Variants in CCSER1 observed in about 807,000 individuals in gnomAD.
The protein encoded by CCSER1 is coiled-coil serine rich protein 1.
A neutral mutation model predicts 82.0 loss-of-function variants in CCSER1; 41 were observed. The observed-to-expected ratio is 0.50, with a 90% confidence interval of 0.39 to 0.65. CCSER1 has a LOEUF of 0.65. Among genes scored for constraint, CCSER1 ranks in the 30% least tolerant of loss-of-function variants. The pLI is 0.00. For missense variants in CCSER1, 1,119 were observed against 1,064.2 expected (o/e 1.05, Z -0.72); for synonymous variants, 414 against 383.9 (o/e 1.08, Z -0.92).
intron 1 of CCSER1, among the ~76,000 whole-genome samples, chr4:90,155,596 G>A (rs1686560121): frequency 6.6e-6 from 1 of 152,074 alleles, no homozygotes; most frequent in Non-Finnish European, 1.5e-5. Context: ...CTTCTTCCTG[G>A]TTTAGTCTTG....
chr4:91,143,384 G>A (rs1314037862), intron 10 of CCSER1, among the ~76,000 whole-genome samples: 1 of 152,018 alleles, frequency 6.6e-6, no homozygotes, highest in Non-Finnish European at 1.5e-5. Flanking sequence ...CCTTTTGGCA[G>A]ATTATGTAGC....
intron 10 of CCSER1, among the ~76,000 whole-genome samples, chr4:91,374,724 G>T (rs1270745452): frequency 6.6e-6 from 1 of 152,212 alleles, no homozygotes; most frequent in Admixed American, 6.5e-5. Context: ...GGCCGGGCGT[G>T]ATGGCTCACG....
At chr4:90,885,107 G>T in intron 8 of CCSER1, among the ~76,000 whole-genome samples, 1 of 152,000 alleles carries the variant, frequency 6.6e-6, no homozygotes, top group East Asian at 1.9e-4. Flanking sequence ...TGACATCATT[G>T]AAAAACTTAT....
intron 1 of CCSER1, among the ~76,000 whole-genome samples, chr4:90,265,230 T>C (rs1012697484): frequency 1.3e-5 from 2 of 151,944 alleles, no homozygotes; most frequent in African/African-American, 4.8e-5. Context: ...TTTTACTTTT[T>C]CTTTTGAATG....
At chr4:90,982,923 T>A (rs1402716259) in intron 9 of CCSER1, among the ~76,000 whole-genome samples, 3 of 151,808 alleles carry the variant, frequency 2.0e-5, no homozygotes, top group Non-Finnish European at 4.4e-5. Context: ...CATACTCACT[T>A]GCACCTTCAG....
At chr4:90,988,494 C>G (rs530970887) in intron 9 of CCSER1, among the ~76,000 whole-genome samples, 2 of 151,488 alleles carry the variant, frequency 1.3e-5, no homozygotes, top group Admixed American at 1.3e-4. Flanking sequence ...AAAATGTCAG[C>G]AGGAAATTTT....
At chr4:90,538,533 C>G (rs1319495225) in intron 5 of CCSER1, among the ~76,000 whole-genome samples, 2 of 151,992 alleles carry the variant, frequency 1.3e-5, no homozygotes, top group Non-Finnish European at 2.9e-5. Context: ...TACTGCTTGA[C>G]AACTTTGATT....
At chr4:90,253,390 G>A (rs903701108) in intron 1 of CCSER1, among the ~76,000 whole-genome samples, 1 of 152,048 alleles carries the variant, frequency 6.6e-6, no homozygotes, top group African/African-American at 2.4e-5. Context: ...AGATGTGCTA[G>A]CAATGAATTC....
intron 10 of CCSER1, among the ~76,000 whole-genome samples, chr4:91,577,471 A>T (rs547714135): frequency 9.9e-5 from 15 of 152,184 alleles, no homozygotes; most frequent in Admixed American, 2.0e-4. Flanking sequence ...ATAAAAAAAA[A>T]TACCTTGCAA....
In CCSER1 at chr4:90,576,490, C is replaced by A. The variant is rs1261581391; in HGVS notation, c.1725-51535C>A. Reference sequence around the variant, plus strand: ...TGTACTAACACACAGAGTAATTTCACTTCAACTATGAATCTTCTTTGTTCT... The same window carrying A: ...TGTACTAACACACAGAGTAATTTCAATTCAACTATGAATCTTCTTTGTTCT... On this transcript the variant is annotated intron_variant, in intron 5 of 10. Coordinates refer to ENST00000509176, the MANE Select transcript of CCSER1 (RefSeq NM_001145065.2). 3.3e-5 allele frequency among the ~76,000 whole-genome samples: 5 copies of A among 152,232 alleles called. No homozygotes were observed. The East Asian group carries it at 9.6e-4, about 29-fold the overall frequency.
chr4:90,931,777 A>C (rs1729854629), intron 9 of CCSER1, among the ~76,000 whole-genome samples: 1 of 152,206 alleles, frequency 6.6e-6, no homozygotes, highest in Non-Finnish European at 1.5e-5. Context: ...ATTGGTCCTC[A>C]GTGTGGTCTT....
intron 10 of CCSER1, among the ~76,000 whole-genome samples, chr4:91,161,224 G>A (rs940902746): frequency 1.3e-5 from 2 of 152,036 alleles, no homozygotes; most frequent in Non-Finnish European, 2.9e-5. Context: ...GATGTGTGGT[G>A]TTATTTCCAA....
intron 10 of CCSER1, among the ~76,000 whole-genome samples, chr4:91,168,143 C>G (rs1327505620): frequency 6.7e-6 from 1 of 148,890 alleles, no homozygotes; most frequent in Non-Finnish European, 1.5e-5. Context: ...CCGGCCGCCC[C>G]ATCTGGGAAT....
chr4:90,700,082 C>A (rs778969196), intron 6 of CCSER1, among the ~76,000 whole-genome samples: 47 of 151,882 alleles, frequency 3.1e-4, no homozygotes, highest in Non-Finnish European at 6.3e-4. Context: ...TGGTGTGCTG[C>A]ACCCATTAAC....
intron 9 of CCSER1, among the ~76,000 whole-genome samples, chr4:90,998,711 T>G (rs1339271516): frequency 1.5e-5 from 2 of 131,876 alleles, no homozygotes; most frequent in Admixed American, 7.8e-5. Context: ...AAATCTAATT[T>G]AGCATTACAC....
At chr4:90,745,452 G>A (rs771798923) in intron 7 of CCSER1, among the ~76,000 whole-genome samples, 3 of 152,060 alleles carry the variant, frequency 2.0e-5, no homozygotes, top group Non-Finnish European at 2.9e-5. Context: ...GATATCTGTC[G>A]AATGGGGCGG....
chr4:91,542,349 T>A (rs1463446823), intron 10 of CCSER1, among the ~76,000 whole-genome samples: 1 of 152,180 alleles, frequency 6.6e-6, no homozygotes, highest in African/African-American at 2.4e-5. Context: ...TTCCAGGGTT[T>A]TTATGGTTTT....
chr4:90,774,006 A>G (rs1752577911), intron 7 of CCSER1, among the ~76,000 whole-genome samples: 10 of 152,130 alleles, frequency 6.6e-5, no homozygotes, highest in Admixed American at 3.9e-4. Context: ...ACGATAAAAT[A>G]AAAGTTGGTA....
rs1418412470 is a variant in CCSER1 at position 90,433,479 on chromosome 4, C to A, written c.1603+33350C>A. 2.0e-5 allele frequency among the ~76,000 whole-genome samples: 3 copies of A among 152,156 alleles called. No homozygotes were observed. The East Asian group carries it at 5.8e-4, about 29-fold the overall frequency. On this transcript the variant is annotated intron_variant, in intron 4 of 10. Coordinates refer to ENST00000509176, the MANE Select transcript of CCSER1 (RefSeq NM_001145065.2). Reference sequence around the variant, plus strand: ...GTCCCCAAGACCATTTCTAGGAATTCATGATGTCAAAACTATTTTCATAAT... The same window carrying A: ...GTCCCCAAGACCATTTCTAGGAATTAATGATGTCAAAACTATTTTCATAAT...
Sources: allele counts gnomAD v4.1 joint callset (sites outside exome capture counted in the v4.1 genomes callset), GRCh38; gene constraint gnomAD v4.1.1; transcripts MANE v1.5; gene names NCBI Gene and HGNC (gene_info 2026-07-23, HGNC 2026-07-21).